Variants in CDH4 observed in about 807,000 individuals in gnomAD.
CDH4 encodes the protein cadherin 4.
In CDH4, 33 loss-of-function variants were observed where a neutral mutation model predicts 86.0. The observed-to-expected ratio is 0.38, with a 90% CI of 0.29 to 0.51. CDH4 has a LOEUF of 0.51. Ranked by LOEUF, CDH4 falls within the 20% of genes least tolerant of loss-of-function variation. The pLI, the probability that CDH4 is intolerant of heterozygous loss-of-function variation, is 0.86. For missense variants in CDH4, 1,114 were observed against 1,307.4 expected (o/e 0.85, Z 2.28); for synonymous variants, 555 against 549.4 (o/e 1.01, Z -0.14).
chr20:61,389,952 G>T (rs750491474), intron 2 of CDH4, among the ~76,000 whole-genome samples: 4 of 150,020 alleles, frequency 2.7e-5, no homozygotes, highest in Non-Finnish European at 5.9e-5. Flanking sequence ...CGGTCATAGG[G>T]TGTCCATAGT....
chr20:61,743,058 C>T (rs560565860), intron 2 of CDH4, among the ~76,000 whole-genome samples: 37 of 152,350 alleles, frequency 2.4e-4, no homozygotes, highest in Admixed American at 7.2e-4. Flanking sequence ...CCAGAATCCA[C>T]CTGCCATGGG....
chr20:61,348,322 G>T (rs554845682), intron 2 of CDH4, among the ~76,000 whole-genome samples: 31 of 152,062 alleles, frequency 2.0e-4, no homozygotes, highest in Non-Finnish European at 3.2e-4. Flanking sequence ...AGACTTATTC[G>T]CTATCACGAG....
chr20:61,294,160 C>A (rs1238573920), intron 2 of CDH4, among the ~76,000 whole-genome samples: 10 of 152,132 alleles, frequency 6.6e-5, no homozygotes, highest in African/African-American at 2.4e-4. Flanking sequence ...GGGCCAGCCA[C>A]CCCCGCACTC....
At chr20:61,306,895 G>A (rs1449183900) in intron 2 of CDH4, among the ~76,000 whole-genome samples, 5 of 152,176 alleles carry the variant, frequency 3.3e-5, no homozygotes, top group Non-Finnish European at 5.9e-5. Context: ...TCTTTCCTGA[G>A]CCGTGTTTGG....
chr20:61,447,305 C>T (rs903444767), intron 2 of CDH4, among the ~76,000 whole-genome samples: 12 of 150,114 alleles, frequency 8.0e-5, no homozygotes, highest in African/African-American at 1.7e-4. Flanking sequence ...TACAGGCATG[C>T]GCCACCACGC....
rs1318707759 is a variant in CDH4 at position 61,512,527 on chromosome 20, G to T, written c.170-231036G>T. On this transcript the variant is annotated intron_variant, in intron 2 of 15. Coordinates refer to ENST00000614565, the MANE Select transcript of CDH4 (RefSeq NM_001794.5). Reference sequence around the variant, plus strand: ...AAAGCCCCACTCACATCATGACCTAGTTCTACAAGTGCCAGCTTATAAAAG... The same window carrying T: ...AAAGCCCCACTCACATCATGACCTATTTCTACAAGTGCCAGCTTATAAAAG... Among the ~76,000 whole-genome samples, 4 of 152,174 alleles carry T rather than the reference G, an allele frequency of 2.6e-5. No individual in the cohort carries two copies. The East Asian group carries it at 5.8e-4, about 22-fold the overall frequency.
intron 4 of CDH4, among the ~76,000 whole-genome samples, chr20:61,773,845 G>C (rs890655973): frequency 1.3e-5 from 2 of 152,160 alleles, no homozygotes; most frequent in Non-Finnish European, 2.9e-5. Context: ...AGGGTCCCCA[G>C]AGTGTGCTTA....
intron 2 of CDH4, among the ~76,000 whole-genome samples, chr20:61,633,579 A>G (rs1437550030): frequency 1.3e-5 from 2 of 152,194 alleles, no homozygotes; most frequent in Non-Finnish European, 2.9e-5. Flanking sequence ...CCAAGTTCCA[A>G]AACATGTAAG....
chr20:61,667,197 G>T (rs1313788150), intron 2 of CDH4, among the ~76,000 whole-genome samples: 3 of 152,238 alleles, frequency 2.0e-5, no homozygotes, highest in Non-Finnish European at 1.5e-5. Context: ...AGGGAGCATG[G>T]GGCCACCCCA....
chr20:61,383,356 TGGATATATATGAATATATATG>T lies in CDH4; in HGVS notation c.169+128421_169+128441del, dbSNP rs1568822555. Among the ~76,000 whole-genome samples, 7 of 53,590 alleles carry T rather than the reference TGGATATATATGAATATATATG, an allele frequency of 1.3e-4. 3 individuals are homozygous for T. Among genetic ancestry groups the T allele is most frequent in the African/African-American group, 9.3e-4 (7 of 7,548 alleles). The allele number at this position is 53,590 out of a possible 152,430, so 35.2% of individuals were successfully genotyped here. On this transcript the variant is annotated intron_variant, in intron 2 of 15. Coordinates refer to ENST00000614565, the MANE Select transcript of CDH4 (RefSeq NM_001794.5). ...TATATGTGATATATATGAATATATATGGATATATATGAATATATATGGATATATATGAATATATGATATATA... is the reference window on the plus strand; with the variant it reads ...TATATGTGATATATATGAATATATATGATATATATGAATATATGATATATA...
intron 2 of CDH4, among the ~76,000 whole-genome samples, chr20:61,385,613 C>A (rs1450063750): frequency 1.3e-5 from 2 of 152,158 alleles, no homozygotes; most frequent in Non-Finnish European, 2.9e-5. Flanking sequence ...GCCTCCTCTG[C>A]AGGGACTGGT....
chr20:61,257,638 C>A (rs532434024), intron 2 of CDH4, among the ~76,000 whole-genome samples: 1 of 152,204 alleles, frequency 6.6e-6, no homozygotes, highest in Non-Finnish European at 1.5e-5. Flanking sequence ...GATGCATGGC[C>A]GTATCTAAAA....
At chr20:61,737,488 C>T (rs939330061) in intron 2 of CDH4, among the ~76,000 whole-genome samples, 3 of 152,176 alleles carry the variant, frequency 2.0e-5, no homozygotes, top group Non-Finnish European at 2.9e-5. Context: ...GACTAGGGCC[C>T]TTGTGTGACC....
At chr20:61,338,552 C>T (rs952310499) in intron 2 of CDH4, among the ~76,000 whole-genome samples, 3 of 150,866 alleles carry the variant, frequency 2.0e-5, no homozygotes, top group African/African-American at 7.3e-5. Context: ...ATATTTGCTC[C>T]CTCCCCAATC....
intron 2 of CDH4, among the ~76,000 whole-genome samples, chr20:61,599,304 A>C (rs368741282): frequency 7.9e-5 from 12 of 151,778 alleles, no homozygotes; most frequent in South Asian, 6.3e-4. Context: ...CGGACTGGGG[A>C]CCTCCTTCTG....
rs886622171 is a variant in CDH4, at chr20:61,518,720, G to T, written c.170-224843G>T. 6.8e-6 allele frequency among the ~76,000 whole-genome samples: 1 copy of T among 147,902 alleles called. No homozygotes were observed. Among genetic ancestry groups the T allele is most frequent in the African/African-American group, 2.5e-5 (1 of 39,654 alleles). On this transcript the variant is annotated intron_variant, in intron 2 of 15. Transcript: ENST00000614565. This position sits in a 1 kb window ranked among gnomAD's most constrained non-coding sequence, Gnocchi z 6.3. ...CTATCTGTTGTTCAATCATCCATCC[G>T]TTCATCCACCCATCATCCATTCATC...
chr20:61,697,666 C>T (rs2087729404), intron 2 of CDH4, among the ~76,000 whole-genome samples: 1 of 152,124 alleles, frequency 6.6e-6, no homozygotes, highest in Non-Finnish European at 1.5e-5. Context: ...TGTTCCAGAA[C>T]CCAGCAGGGT....
intron 3 of CDH4, among the ~76,000 whole-genome samples, chr20:61,755,921 C>T (rs904643977): frequency 6.6e-6 from 1 of 152,212 alleles, no homozygotes; most frequent in Non-Finnish European, 1.5e-5. Flanking sequence ...GTATGGTCAG[C>T]AGCAAAGGAC....
At chr20:61,485,666 G>A (rs2085592257) in intron 2 of CDH4, among the ~76,000 whole-genome samples, 2 of 151,938 alleles carry the variant, frequency 1.3e-5, no homozygotes, top group Admixed American at 6.5e-5. Flanking sequence ...CGATGATGGA[G>A]GATTCTCCTG....
Sources: gnomAD v4.1 joint callset for allele counts (sites outside exome capture counted in the v4.1 genomes callset) on GRCh38, gnomAD v4.1.1 for gene constraint, Gnocchi (gnomAD v3.1) non-coding constraint, MANE v1.5 for transcripts, NCBI Gene and HGNC (gene_info 2026-07-23, HGNC 2026-07-21) for gene names.